Variants in PPHLN1 observed in about 807,000 individuals in gnomAD.
PPHLN1 encodes the protein periphilin 1.
PPHLN1 carries 29 observed loss-of-function variants against 51.3 expected under a neutral mutation model. That is an observed-to-expected ratio of 0.57 (90% confidence interval 0.42 to 0.77). The LOEUF (loss-of-function observed/expected upper bound fraction) is 0.77. Among genes scored for constraint, PPHLN1 ranks in the 30% least tolerant of loss-of-function variants. PPHLN1 has a pLI of 0.00. For synonymous variants in PPHLN1, 147 were observed against 147.8 expected, an observed-to-expected ratio of 0.99 and a Z score of 0.04; for missense variants, 436 against 438.4, an observed-to-expected ratio of 0.99 and a Z score of 0.05.
chr12:42,341,087 T>C (rs749410286), intron 2 of PPHLN1, among the ~76,000 whole-genome samples: 10 of 151,826 alleles, frequency 6.6e-5, no homozygotes, highest in Non-Finnish European at 1.5e-4. Context: ...TTCAAGCGAT[T>C]CTTGTGCCTC....
At chr12:42,333,479 T>A (rs2070098515) in intron 1 of PPHLN1, among the ~76,000 whole-genome samples, 1 of 151,758 alleles carries the variant, frequency 6.6e-6, no homozygotes, top group African/African-American at 2.4e-5. Context: ...TTTTATTTTT[T>A]ATTTTTATTT....
chr12:42,338,869 A>C (rs2071078790), intron 2 of PPHLN1, among the ~76,000 whole-genome samples: 1 of 152,202 alleles, frequency 6.6e-6, no homozygotes, highest in African/African-American at 2.4e-5. Context: ...TTACATGCAG[A>C]ATTTAAAAAA....
intron 9 of PPHLN1, among the ~76,000 whole-genome samples, chr12:42,429,075 G>T (rs377634794): frequency 6.6e-6 from 1 of 151,972 alleles, no homozygotes; most frequent in South Asian, 2.1e-4. Context: ...TCAGCATTTA[G>T]AACTTTAAAG....
intron 2 of PPHLN1, among the ~76,000 whole-genome samples, chr12:42,343,145 T>G (rs2071743451): frequency 6.6e-6 from 1 of 152,250 alleles, no homozygotes; most frequent in Non-Finnish European, 1.5e-5. Context: ...AGTAATTCAG[T>G]TATATACATA....
chr12:42,406,109 A>G (rs1265806150), intron 9 of PPHLN1, among the ~76,000 whole-genome samples: 2 of 131,384 alleles, frequency 1.5e-5, no homozygotes, highest in Non-Finnish European at 3.4e-5. Flanking sequence ...TTTGAGACAG[A>G]GTCTTGCTCT....
intron 5 of PPHLN1, among the ~76,000 whole-genome samples, chr12:42,376,312 A>G (rs968432886): frequency 6.6e-6 from 1 of 152,230 alleles, no homozygotes; most frequent in Non-Finnish European, 1.5e-5. Context: ...AAGTGATGGA[A>G]AACCATTTGG....
At position 42,366,498 on chromosome 12, in the gene PPHLN1, A is replaced by T. The variant is rs185902824; in HGVS notation, c.300-8365A>T. 3.6e-3 allele frequency among the ~76,000 whole-genome samples: 547 copies of T among 151,908 alleles called. 5 individuals carry two copies. The highest frequency in any genetic ancestry group is 0.013 in the African/African-American group (531 of 41,420). On this transcript the variant is annotated intron_variant, in intron 4 of 9. Coordinates refer to ENST00000358314, the MANE Select transcript of PPHLN1 (RefSeq NM_201439.2). Reference sequence around the variant, plus strand: ...CCTCCTCGGCTCCCAAAGTGCTGGGATTACAGGTGTGAGCCTGCACCTGGC... The same window carrying T: ...CCTCCTCGGCTCCCAAAGTGCTGGGTTTACAGGTGTGAGCCTGCACCTGGC...
At chr12:42,399,442 A>G in intron 9 of PPHLN1, 2 of 929,788 alleles carry the variant, frequency 2.2e-6, no homozygotes, top group Non-Finnish European at 2.6e-6. Context: ...TAGTGAAGTC[A>G]TTCTGAAAAG....
downstream of PPHLN1, chr12:42,443,566 G>A (rs2083123738): frequency 6.6e-6 from 1 of 152,160 alleles, no homozygotes; most frequent in Non-Finnish European, 1.5e-5. Flanking sequence ...CTTTCTAGTA[G>A]TAGAACACTG....
At chr12:42,408,192 G>A (rs532138576) in intron 9 of PPHLN1, among the ~76,000 whole-genome samples, 9 of 151,996 alleles carry the variant, frequency 5.9e-5, no homozygotes, top group Non-Finnish European at 8.8e-5. Flanking sequence ...TTGATCTGCA[G>A]CTTTTCTTTT....
chr12:42,436,456 AC>A (rs2082493590), intron 9 of PPHLN1, among the ~76,000 whole-genome samples: 1 of 152,218 alleles, frequency 6.6e-6, no homozygotes, highest in Non-Finnish European at 1.5e-5. Context: ...CATGTACTTA[AC>A]TTCCTATTGA....
chr12:42,400,264 C>T (rs868864106), intron 9 of PPHLN1: 1 of 151,298 alleles, frequency 6.6e-6, no homozygotes, highest in Non-Finnish European at 1.5e-5. Flanking sequence ...GTCAGGAGAT[C>T]GAGACCATCC....
At chr12:42,378,090 C>CTTTCTT (rs1430782714) in intron 5 of PPHLN1, among the ~76,000 whole-genome samples, 19 of 140,802 alleles carry the variant, frequency 1.3e-4, no homozygotes, top group African/African-American at 2.4e-4. Flanking sequence ...ATCTATCTTT[C>CTTTCTT]TCTTTCTTTC....
At chr12:42,411,167 C>T (rs1317551036) in intron 9 of PPHLN1, among the ~76,000 whole-genome samples, 2 of 150,786 alleles carry the variant, frequency 1.3e-5, no homozygotes, top group Non-Finnish European at 3.0e-5. Flanking sequence ...TTTTTTGTTT[C>T]TTTCATATCT....
chr12:42,444,761 C>A, downstream of PPHLN1: 1 of 380,438 alleles, frequency 2.6e-6, no homozygotes. Context: ...TAAAACATGC[C>A]CTTCCTGCTG....
intron 9 of PPHLN1, among the ~76,000 whole-genome samples, chr12:42,417,429 G>A (rs2080491016): frequency 6.6e-6 from 1 of 151,926 alleles, no homozygotes; most frequent in African/African-American, 2.4e-5. Flanking sequence ...GGGAGGAGGG[G>A]GAGTCCTATC....
At chr12:42,411,167 C>G (rs1317551036) in intron 9 of PPHLN1, among the ~76,000 whole-genome samples, 1 of 150,786 alleles carries the variant, frequency 6.6e-6, no homozygotes, top group East Asian at 1.9e-4. Flanking sequence ...TTTTTTGTTT[C>G]TTTCATATCT....
At chr12:42,440,776 G>A (rs1174331511) in intron 9 of PPHLN1, among the ~76,000 whole-genome samples, 1 of 152,132 alleles carries the variant, frequency 6.6e-6, no homozygotes, top group Non-Finnish European at 1.5e-5. Flanking sequence ...ATGGGGTTTC[G>A]CCATGTTGGC....
At chr12:42,331,180 T>C (rs1198736624) in intron 1 of PPHLN1, among the ~76,000 whole-genome samples, 16 of 152,218 alleles carry the variant, frequency 1.1e-4, no homozygotes, top group Admixed American at 1.0e-3. Flanking sequence ...ACTTTGCTGT[T>C]CAGTAACTCT....
Sources: gnomAD v4.1 joint callset for allele counts (sites outside exome capture counted in the v4.1 genomes callset) on GRCh38, gnomAD v4.1.1 for gene constraint, MANE v1.5 for transcripts, NCBI Gene and HGNC (gene_info 2026-07-23, HGNC 2026-07-21) for gene names.